The following GSK3B variants were observed in gnomAD, a reference collection of about 807,000 sequenced individuals.
The protein encoded by GSK3B is glycogen synthase kinase-3 beta.
A neutral mutation model predicts 56.4 loss-of-function variants in GSK3B; 15 were observed. The ratio of observed to expected loss-of-function variants is 0.27; its 90% confidence interval spans 0.18 to 0.41. The LOEUF is 0.41. GSK3B is among the 10% of genes least tolerant of loss of function. The pLI is 1.00. For missense variants in GSK3B, 300 were observed against 513.4 expected, an observed-to-expected ratio of 0.58 and a Z score of 4.02; for synonymous variants, 181 against 188.9, an observed-to-expected ratio of 0.96 and a Z score of 0.34.
At chr3:120,041,301 C>T in intron 1 of GSK3B, 1 of 293,244 alleles carries the variant, frequency 3.4e-6, no homozygotes, top group South Asian at 4.2e-5. Context: ...GGTAGATAAC[C>T]TTCCAGCTGA....
At chr3:119,918,456 C>T (rs573851030) in intron 4 of GSK3B, among the ~76,000 whole-genome samples, 170 of 150,310 alleles carry the variant, frequency 1.1e-3, no homozygotes, top group Non-Finnish European at 2.0e-3. Flanking sequence ...GGCCACAGAG[C>T]GGAATTCTCT....
chr3:119,863,364 C>G, intron 9 of GSK3B, 55 bp downstream of exon 9: 1 of 1,365,750 alleles, frequency 7.3e-7, no homozygotes, highest in Non-Finnish European at 1.0e-6. Context: ...TGTCATTTCA[C>G]ACCCAGGGTG....
chr3:120,087,489 G>A (rs182277859), intron 1 of GSK3B, among the ~76,000 whole-genome samples: 9 of 151,394 alleles, frequency 5.9e-5, no homozygotes, highest in African/African-American at 2.2e-4. Context: ...CCCAGATCAC[G>A]CCATGGCACT....
At chr3:119,863,886 T>C (rs537764611) in intron 8 of GSK3B, among the ~76,000 whole-genome samples, 2 of 152,332 alleles carry the variant, frequency 1.3e-5, no homozygotes, top group South Asian at 4.1e-4. Flanking sequence ...TGGGAAAGGC[T>C]GAGTTCTGGT....
At chr3:119,936,335 A>AT in intron 3 of GSK3B, among the ~76,000 whole-genome samples, 3 of 130,724 alleles carry the variant, frequency 2.3e-5, no homozygotes, top group African/African-American at 1.0e-4. Flanking sequence ...ATATATATAA[A>AT]AAATATATAT....
chr3:119,830,340 C>G (rs1216324502), intron 10 of GSK3B, among the ~76,000 whole-genome samples: 1 of 152,158 alleles, frequency 6.6e-6, no homozygotes, highest in Admixed American at 6.5e-5. Context: ...TTTGTTCCCA[C>G]CATCACTCTG....
chr3:119,970,879 TA>T (rs2057360848), intron 2 of GSK3B, among the ~76,000 whole-genome samples: 1 of 152,178 alleles, frequency 6.6e-6, no homozygotes, highest in Non-Finnish European at 1.5e-5. Context: ...ACTATTTCTG[TA>T]AATACTCTGA....
intron 5 of GSK3B, among the ~76,000 whole-genome samples, chr3:119,915,167 C>T (rs2056768599): frequency 6.6e-6 from 1 of 151,692 alleles, no homozygotes; most frequent in Admixed American, 6.6e-5. Context: ...CAGTATATTA[C>T]CAAGAAATGA....
intron 3 of GSK3B, among the ~76,000 whole-genome samples, chr3:119,934,143 G>A (rs2056971995): frequency 2.0e-5 from 3 of 152,212 alleles, no homozygotes; most frequent in South Asian, 2.1e-4. Flanking sequence ...CCCACCTTAG[G>A]TGTAGTCTCT....
intron 1 of GSK3B, among the ~76,000 whole-genome samples, chr3:120,069,612 T>G (rs2058309826): frequency 6.7e-6 from 1 of 149,802 alleles, no homozygotes; most frequent in Admixed American, 6.7e-5. Context: ...TACCTAACGG[T>G]CAATACAAAC....
chr3:119,980,917 A>G (rs983831510), intron 2 of GSK3B, among the ~76,000 whole-genome samples: 2 of 152,230 alleles, frequency 1.3e-5, no homozygotes, highest in African/African-American at 2.4e-5. Context: ...TACAAGTCAG[A>G]AAGTTGAGGC....
intron 2 of GSK3B, among the ~76,000 whole-genome samples, chr3:119,987,943 G>A (rs1445291146): frequency 2.0e-5 from 3 of 152,078 alleles, no homozygotes; most frequent in Admixed American, 6.6e-5. Flanking sequence ...AATTACAATC[G>A]TTATGTTAAA....
At chr3:120,076,585 A>T (rs972988395) in intron 1 of GSK3B, among the ~76,000 whole-genome samples, 1 of 151,764 alleles carries the variant, frequency 6.6e-6, no homozygotes, top group African/African-American at 2.4e-5. Flanking sequence ...GGAGGCCGAG[A>T]CGGGCGGATC....
At chr3:120,046,497 T>C (rs895159603) in intron 1 of GSK3B, among the ~76,000 whole-genome samples, 1 of 152,180 alleles carries the variant, frequency 6.6e-6, no homozygotes, top group Non-Finnish European at 1.5e-5. Flanking sequence ...AAGAACAGTC[T>C]CTTTTCTTAA....
chr3:119,866,768 A>C, intron 8 of GSK3B: 1 of 601,968 alleles, frequency 1.7e-6, no homozygotes, highest in Non-Finnish European at 2.9e-6. Flanking sequence ...ATACAGTTAT[A>C]AACTTTAAAC....
chr3:119,833,690 G>GTTTTTTT (rs902919136), intron 10 of GSK3B, among the ~76,000 whole-genome samples: 6 of 75,786 alleles, frequency 7.9e-5, no homozygotes, highest in African/African-American at 2.6e-4. Flanking sequence ...ACATTAGGTT[G>GTTTTTTT]TTTTTTTTTT....
chr3:119,875,999 T>C (rs1037590122), intron 8 of GSK3B, among the ~76,000 whole-genome samples: 20 of 152,242 alleles, frequency 1.3e-4, no homozygotes, highest in African/African-American at 4.8e-4. Flanking sequence ...CAAAATGCCA[T>C]CTATAATAAG....
intron 1 of GSK3B, among the ~76,000 whole-genome samples, chr3:120,048,007 T>C (rs74793913): frequency 0.026 from 3,940 of 152,324 alleles, 174 homozygotes; most frequent in African/African-American, 0.089. Flanking sequence ...GATTTCCTCT[T>C]GATTACCACA....
chr3:119,955,249 A>G lies in GSK3B; in HGVS notation c.283-7898T>C, dbSNP rs113650376. On this transcript the variant is annotated intron_variant, in intron 2 of 10. Coordinates refer to ENST00000264235, the MANE Select transcript of GSK3B (RefSeq NM_001146156.2). ...AACCAACAGCTAAAAAAAAAAAAAAACACAAAAAAACTTAACCCCATTTGC... is the reference window on the plus strand; with the variant it reads ...AACCAACAGCTAAAAAAAAAAAAAAGCACAAAAAAACTTAACCCCATTTGC... 6.8e-3 allele frequency among the ~76,000 whole-genome samples: 1,027 copies of G among 150,436 alleles called. 11 individuals are homozygous for G. The highest frequency in any genetic ancestry group is 0.023 in the African/African-American group (945 of 40,866).
Sources: allele counts gnomAD v4.1 joint callset (sites outside exome capture counted in the v4.1 genomes callset), GRCh38; gene constraint gnomAD v4.1.1; transcripts MANE v1.5; gene names NCBI Gene and HGNC (gene_info 2026-07-23, HGNC 2026-07-21).